DYM: variants seen among roughly 807,000 people sequenced by gnomAD.
DYM encodes the protein dyggve-Melchior-Clausen syndrome protein.
Under a neutral mutation model 93.1 loss-of-function variants are expected in DYM, and 78 were observed. The ratio of observed to expected loss-of-function variants is 0.84; its 90% CI spans 0.70 to 1.01. The LOEUF is 1.01. Ranked by LOEUF, DYM falls within the 50% of genes least tolerant of loss-of-function variation. DYM has a pLI of 0.00. For synonymous variants in DYM, 321 were observed against 319.7 expected (o/e 1.00, Z -0.04); for missense variants, 789 against 845.0 (o/e 0.93, Z 0.82).
chr18:49,127,835 A>C (rs1350316140), intron 15 of DYM, among the ~76,000 whole-genome samples: 1 of 152,268 alleles, frequency 6.6e-6, no homozygotes, highest in Non-Finnish European at 1.5e-5. Context: ...TCAGAGCTGA[A>C]GAATAAATCC....
chr18:49,107,450 G>T (rs1429160019), intron 16 of DYM, among the ~76,000 whole-genome samples: 1 of 152,204 alleles, frequency 6.6e-6, no homozygotes, highest in East Asian at 1.9e-4. Flanking sequence ...TGCTGGTGAG[G>T]AGCTGCGTTC....
At chr18:49,286,903 T>C (rs1325004330) in intron 8 of DYM, among the ~76,000 whole-genome samples, 1 of 152,022 alleles carries the variant, frequency 6.6e-6, no homozygotes, top group Non-Finnish European at 1.5e-5. Context: ...CTAAAAAAAA[T>C]TAATGCAAGC....
rs1599565861 is a variant in DYM at position 49,077,829 on chromosome 18, T to A, written c.2025+19573A>T. Among the ~76,000 whole-genome samples, 5 of 151,716 alleles carry A rather than the reference T, an allele frequency of 3.3e-5. No individual in the cohort carries two copies. In the South Asian group the frequency reaches 1.0e-3, roughly 32 times the overall value. ...CTCTTTTTCTGATTTGCTTTCAACC[T>A]GTATTTTTATAGTTAAAGCATATCC... On this transcript the variant is annotated intron_variant, in intron 17 of 17. Transcript: ENST00000675505.
intron 13 of DYM, among the ~76,000 whole-genome samples, chr18:49,226,116 G>T (rs1484927296): frequency 6.6e-6 from 1 of 152,000 alleles, no homozygotes; most frequent in East Asian, 1.9e-4. Flanking sequence ...AAGCAAAGGG[G>T]ACAAGGCACC....
intron 8 of DYM, among the ~76,000 whole-genome samples, chr18:49,301,940 A>C (rs1374696089): frequency 6.6e-6 from 1 of 152,312 alleles, no homozygotes; most frequent in East Asian, 1.9e-4. Flanking sequence ...CTTCTCTCTC[A>C]CAAAATAAGA....
chr18:49,074,329 T>A (rs2077129061), intron 17 of DYM, among the ~76,000 whole-genome samples: 1 of 152,188 alleles, frequency 6.6e-6, no homozygotes, highest in South Asian at 2.1e-4. Flanking sequence ...TTGTAAGTAA[T>A]CTAGAGATGA....
intron 8 of DYM, among the ~76,000 whole-genome samples, chr18:49,319,995 A>G (rs1441852026): frequency 6.6e-6 from 1 of 152,204 alleles, no homozygotes; most frequent in East Asian, 1.9e-4. Flanking sequence ...ACAAGAGGGG[A>G]AAAATGAAGA....
intron 17 of DYM, among the ~76,000 whole-genome samples, chr18:49,091,062 C>T (rs2079002432): frequency 6.6e-6 from 1 of 152,178 alleles, no homozygotes; most frequent in Non-Finnish European, 1.5e-5. Context: ...TTTTAAGAGT[C>T]TATGGAGAGC....
Position 49,363,180 on chromosome 18 carries a change from T to A in DYM, c.475A>T (p.Ile159Phe). 6.2e-7 allele frequency: 1 copy of A among 1,613,860 alleles called. No homozygotes were observed. Among genetic ancestry groups the A allele is most frequent in the African/African-American group, 1.3e-5 (1 of 75,052 alleles). ...ACTTACAAGAGTGGAATATCAGTGA[T>A]CAACTGCATCAAACAGCACAGCAAT... ...EELLCCLMQL[I>F]TDIPLLDITY... Residue 159 changes from isoleucine (I) to phenylalanine (F), a missense_variant, in exon 6 of 18, where the codon ATC becomes TTC. Around this residue, in one of 3 missense-constraint regions of DYM, gnomAD observed 450 missense variants for 436.2 expected, o/e 1.03. Coordinates refer to ENST00000675505, the MANE Select transcript of DYM (RefSeq NM_001353214.3).
intron 8 of DYM, among the ~76,000 whole-genome samples, chr18:49,310,076 A>T (rs965220841): frequency 6.6e-6 from 1 of 152,254 alleles, no homozygotes; most frequent in African/African-American, 2.4e-5. Context: ...AAAGAATTAG[A>T]AATTCACTAT....
At chr18:49,189,150 C>A (rs2090732722) in intron 14 of DYM, among the ~76,000 whole-genome samples, 1 of 152,052 alleles carries the variant, frequency 6.6e-6, no homozygotes. Context: ...CTGAGGACTC[C>A]AAAAGTGGGG....
chr18:49,455,601 T>A (rs1423396813), intron 1 of DYM, among the ~76,000 whole-genome samples: 1 of 152,188 alleles, frequency 6.6e-6, no homozygotes, highest in African/African-American at 2.4e-5. Flanking sequence ...GAACTAGGAC[T>A]CAAACCTAGA....
intron 5 of DYM, among the ~76,000 whole-genome samples, chr18:49,368,175 T>A (rs980380749): frequency 6.6e-6 from 1 of 152,188 alleles, no homozygotes; most frequent in Non-Finnish European, 1.5e-5. Context: ...TGCTATTATT[T>A]TGGTCAAACA....
At chr18:49,422,820 A>AG (rs2073869204) in intron 2 of DYM, among the ~76,000 whole-genome samples, 1 of 152,250 alleles carries the variant, frequency 6.6e-6, no homozygotes, top group African/African-American at 2.4e-5. Flanking sequence ...ATAATGGTAA[A>AG]GGGATCAATT....
At chr18:49,187,757 T>C (rs2090587699) in intron 14 of DYM, among the ~76,000 whole-genome samples, 10 of 152,194 alleles carry the variant, frequency 6.6e-5, no homozygotes, top group Admixed American at 5.9e-4. Context: ...CATTTGGTTA[T>C]GTAAGAGGGA....
chr18:49,445,052 T>C (rs1184657334), intron 1 of DYM, among the ~76,000 whole-genome samples: 1 of 152,226 alleles, frequency 6.6e-6, no homozygotes, highest in Non-Finnish European at 1.5e-5. Context: ...AGCAAACCTT[T>C]ATTGCAAAAA....
Position 49,285,091 on chromosome 18 carries a change from C to A in DYM, c.946+1343G>T, listed in dbSNP as rs192457814. Among the ~76,000 whole-genome samples, 5 of 152,300 alleles carry A rather than the reference C, an allele frequency of 3.3e-5. No individual in the cohort carries two copies. In the East Asian group the frequency reaches 9.6e-4, roughly 29 times the overall value. ...GCAGAGACTGAGCCCTCACCAGACA[C>A]CAAACCTGCCGGTGCCTGCATCTTA... On this transcript the variant is annotated intron_variant, in intron 9 of 17. Transcript: ENST00000675505.
intron 13 of DYM, among the ~76,000 whole-genome samples, chr18:49,211,373 A>G (rs1313035483): frequency 6.6e-6 from 1 of 152,210 alleles, no homozygotes; most frequent in African/African-American, 2.4e-5. Context: ...GAGAGAAGAG[A>G]ATGTAAAATC....
intron 17 of DYM, among the ~76,000 whole-genome samples, chr18:49,069,329 A>C (rs1047290028): frequency 6.6e-6 from 1 of 152,234 alleles, no homozygotes; most frequent in Admixed American, 6.5e-5. Flanking sequence ...CTATTCTGAA[A>C]GTTCAGACTG....
Sources: gnomAD v4.1 joint callset for allele counts (sites outside exome capture counted in the v4.1 genomes callset) on GRCh38, gnomAD v4.1.1 for gene constraint, gnomAD v4.1.1 regional missense constraint, MANE v1.5 for transcripts, NCBI Gene and HGNC (gene_info 2026-07-23, HGNC 2026-07-21) for gene names.